Variants in THADA observed in about 807,000 individuals in gnomAD.
THADA encodes the protein THADA armadillo repeat containing.
A neutral mutation model predicts 219.8 loss-of-function variants in THADA; 213 were observed. The ratio of observed to expected loss-of-function variants is 0.97; its 90% CI spans 0.87 to 1.09. THADA has a LOEUF of 1.09. Among genes scored for constraint, THADA ranks in the 50% least tolerant of loss-of-function variants. The pLI is 0.00. For synonymous variants in THADA, 1,018 were observed against 828.9 expected (o/e 1.23, Z -3.92); for missense variants, 2,956 against 2,311.3 (o/e 1.28, Z -5.72).
chr2:43,399,067 A>G (rs1248727899), intron 28 of THADA, among the ~76,000 whole-genome samples: 1 of 152,208 alleles, frequency 6.6e-6, no homozygotes, highest in East Asian at 1.9e-4. Flanking sequence ...GGCCATAACC[A>G]TTTTGCTGAA....
chr2:43,434,352 G>A (rs1188064469), intron 26 of THADA, among the ~76,000 whole-genome samples: 1 of 152,222 alleles, frequency 6.6e-6, no homozygotes, highest in Non-Finnish European at 1.5e-5. Flanking sequence ...CTGGTTCCTG[G>A]CGAAGGAGGC....
intron 19 of THADA, 94 bp downstream of exon 19, chr2:43,551,695 A>G (rs750116903): frequency 3.2e-4 from 382 of 1,180,368 alleles, no homozygotes; most frequent in Non-Finnish European, 2.8e-4. Context: ...TAGCTTTTAT[A>G]TCTCCCCAAA....
At chr2:43,594,584 CAAAT>C (rs34191249) in intron 1 of THADA, among the ~76,000 whole-genome samples, 84,638 of 148,812 alleles carry the variant, frequency 0.57, 24,900 homozygotes, top group African/African-American at 0.71. Context: ...AACTCCATCT[CAAAT>C]AAATAAATAA....
At chr2:43,360,421 C>T (rs1669372504) in intron 29 of THADA, among the ~76,000 whole-genome samples, 1 of 152,158 alleles carries the variant, frequency 6.6e-6, no homozygotes, top group Non-Finnish European at 1.5e-5. Context: ...GTTTGGCATA[C>T]AAAGTAAGAT....
At chr2:43,557,252 G>A (rs922118084) in intron 16 of THADA, among the ~76,000 whole-genome samples, 8 of 152,188 alleles carry the variant, frequency 5.3e-5, no homozygotes, top group African/African-American at 1.9e-4. Flanking sequence ...ATTCAACACT[G>A]ATAAAACCTT....
chr2:43,378,573 T>C (rs1671642089), intron 29 of THADA, among the ~76,000 whole-genome samples: 1 of 152,212 alleles, frequency 6.6e-6, no homozygotes, highest in African/African-American at 2.4e-5. Context: ...GCTGTCTTAT[T>C]ATAATAACAG....
chr2:43,399,996 C>G (rs142524837), intron 28 of THADA, among the ~76,000 whole-genome samples: 4 of 152,200 alleles, frequency 2.6e-5, no homozygotes, highest in Non-Finnish European at 5.9e-5. Context: ...TGTCCCCGAC[C>G]TCTCCAACAC....
chr2:43,353,652 CATTTT>C (rs957698839), intron 29 of THADA, among the ~76,000 whole-genome samples: 1 of 151,956 alleles, frequency 6.6e-6, no homozygotes, highest in Admixed American at 6.6e-5. Context: ...CCTTTTTTCA[CATTTT>C]ATTTTATTTA....
At chr2:43,379,376 A>T (rs770200797) in intron 29 of THADA, among the ~76,000 whole-genome samples, 5 of 152,220 alleles carry the variant, frequency 3.3e-5, no homozygotes, top group Non-Finnish European at 5.9e-5. Context: ...AAATGTGATA[A>T]ATAGAAAATG....
intron 13 of THADA, 92 bp from the exon 14 acceptor site, chr2:43,570,602 G>A: frequency 7.6e-7 from 1 of 1,320,092 alleles, no homozygotes; most frequent in Middle Eastern, 2.1e-4. Flanking sequence ...AAAACTTCAG[G>A]CAAGAAGAGT....
intron 29 of THADA, among the ~76,000 whole-genome samples, chr2:43,379,763 A>G (rs1671782243): frequency 6.6e-6 from 1 of 152,272 alleles, no homozygotes; most frequent in Non-Finnish European, 1.5e-5. Flanking sequence ...ACCTTTGTTC[A>G]TAACTGCCCC....
chr2:43,413,975 T>C (rs1676634353), intron 28 of THADA, among the ~76,000 whole-genome samples: 1 of 152,254 alleles, frequency 6.6e-6, no homozygotes, highest in South Asian at 2.1e-4. Flanking sequence ...GCATATAACC[T>C]ATGCATATCC....
chr2:43,413,738 CA>C (rs1244725097), intron 28 of THADA, among the ~76,000 whole-genome samples: 1 of 152,182 alleles, frequency 6.6e-6, no homozygotes, highest in Non-Finnish European at 1.5e-5. Flanking sequence ...ATGATGGTGA[CA>C]AAATGGTCTC....
chr2:43,375,202 G>C (rs1045833681), intron 29 of THADA, among the ~76,000 whole-genome samples: 1 of 152,216 alleles, frequency 6.6e-6, no homozygotes, highest in African/African-American at 2.4e-5. Flanking sequence ...AGATGGGTAA[G>C]CTTCAGTTCA....
chr2:43,505,322 A>C (rs1689526304), intron 24 of THADA, among the ~76,000 whole-genome samples: 1 of 148,462 alleles, frequency 6.7e-6, no homozygotes, highest in Non-Finnish European at 1.5e-5. Flanking sequence ...TGGTAAAGAC[A>C]AAAAAAAAAG....
At chr2:43,324,310 C>T (rs1013239209) in intron 30 of THADA, among the ~76,000 whole-genome samples, 6 of 152,240 alleles carry the variant, frequency 3.9e-5, no homozygotes, top group African/African-American at 1.4e-4. Context: ...GGTGACCTTA[C>T]TGGCCTCCTG....
intron 24 of THADA, among the ~76,000 whole-genome samples, chr2:43,502,584 C>CAAAAAAA (rs1172070049): frequency 1.3e-5 from 1 of 74,194 alleles, no homozygotes; most frequent in Non-Finnish European, 3.0e-5. Flanking sequence ...GACCTCGTCT[C>CAAAAAAA]AAAAAAAAAA....
chr2:43,565,627 T>A (rs1292104447), intron 15 of THADA: 13 of 152,200 alleles, frequency 8.5e-5, no homozygotes, highest in African/African-American at 3.1e-4. Flanking sequence ...CCCAATAATT[T>A]AAAATAAAAA....
intron 24 of THADA, among the ~76,000 whole-genome samples, chr2:43,499,928 T>C (rs1052489089): frequency 6.6e-6 from 1 of 151,774 alleles, no homozygotes; most frequent in Non-Finnish European, 1.5e-5. Context: ...AAAATAAAAA[T>C]TTAGAGCAGA....
Sources: gnomAD v4.1 joint callset for allele counts (sites outside exome capture counted in the v4.1 genomes callset) on GRCh38, gnomAD v4.1.1 for gene constraint, MANE v1.5 for transcripts, NCBI Gene and HGNC (gene_info 2026-07-23, HGNC 2026-07-21) for gene names.